ZNF536: variants seen among roughly 807,000 people sequenced by gnomAD.
The protein encoded by ZNF536 is zinc finger protein 536.
A neutral mutation model predicts 84.5 loss-of-function variants in ZNF536; 13 were observed. The ratio of observed to expected loss-of-function variants is 0.15; its 90% CI spans 0.10 to 0.24. The LOEUF (loss-of-function observed/expected upper bound fraction) is 0.24. ZNF536 is among the 10% of genes least tolerant of loss of function. The pLI is 1.00. For synonymous variants in ZNF536, 811 were observed against 742.5 expected (o/e 1.09, Z -1.50); for missense variants, 1,536 against 1,747.5 (o/e 0.88, Z 2.16).
intron 2 of ZNF536, among the ~76,000 whole-genome samples, chr19:30,306,229 C>T (rs1466275872): frequency 7.3e-6 from 1 of 137,396 alleles, no homozygotes; most frequent in African/African-American, 2.7e-5. Flanking sequence ...TGCTTGTTTA[C>T]ACTGGTCAGA....
chr19:30,614,316 T>C (rs1034480599), intron 1 of ZNF536, among the ~76,000 whole-genome samples: 1 of 152,192 alleles, frequency 6.6e-6, no homozygotes, highest in African/African-American at 2.4e-5. Flanking sequence ...TTTGTAGAGT[T>C]CTACTCTTTT....
chr19:30,398,687 G>A (rs2147462381), intron 1 of ZNF536, among the ~76,000 whole-genome samples: 1 of 152,188 alleles, frequency 6.6e-6, no homozygotes, highest in Non-Finnish European at 1.5e-5. Context: ...ATGGTTTTCA[G>A]CTTCATCCAT....
At chr19:30,565,053 T>C (rs2146473346) in intron 1 of ZNF536, among the ~76,000 whole-genome samples, 1 of 152,268 alleles carries the variant, frequency 6.6e-6, no homozygotes, top group Admixed American at 6.5e-5. Flanking sequence ...GCACTTCTGT[T>C]TGTTGCGTTG....
At chr19:30,584,625 G>C (rs1430821902) in intron 1 of ZNF536, among the ~76,000 whole-genome samples, 1 of 152,176 alleles carries the variant, frequency 6.6e-6, no homozygotes, top group African/African-American at 2.4e-5. Context: ...TTCGGGATTA[G>C]CTCTCTTTTT....
At chr19:30,621,338 C>G (rs2048474878) in intron 1 of ZNF536, among the ~76,000 whole-genome samples, 1 of 152,116 alleles carries the variant, frequency 6.6e-6, no homozygotes, top group Non-Finnish European at 1.5e-5. Context: ...AACTGACCTT[C>G]CTTCTCACAT....
chr19:30,457,466 G>T (rs534601570), intron 2 of ZNF536, among the ~76,000 whole-genome samples: 2 of 152,236 alleles, frequency 1.3e-5, no homozygotes, highest in African/African-American at 4.8e-5. Context: ...CCCAGGCTGG[G>T]AAGGGAGGGA....
intron 1 of ZNF536, among the ~76,000 whole-genome samples, chr19:30,250,607 G>A (rs1280687571): frequency 6.6e-6 from 1 of 152,208 alleles, no homozygotes; most frequent in Middle Eastern, 3.2e-3. Context: ...TGGGCACTAA[G>A]AGAGAGATGA....
intron 2 of ZNF536, among the ~76,000 whole-genome samples, chr19:30,349,625 GAAGTGGT>G (rs1381038272): frequency 1.3e-5 from 2 of 151,934 alleles, no homozygotes; most frequent in African/African-American, 4.8e-5. Context: ...GAGAAAGGAA[GAAGTGGT>G]ACCCCACACC....
At chr19:30,335,412 C>T (rs893876661) in intron 2 of ZNF536, among the ~76,000 whole-genome samples, 3 of 152,214 alleles carry the variant, frequency 2.0e-5, no homozygotes, top group African/African-American at 7.2e-5. Flanking sequence ...CACATCCCAT[C>T]CTGTCTCACG....
At chr19:30,502,338 G>A (rs1254682103) in intron 2 of ZNF536, among the ~76,000 whole-genome samples, 1 of 152,158 alleles carries the variant, frequency 6.6e-6, no homozygotes, top group Non-Finnish European at 1.5e-5. Context: ...TGGCAGTGTG[G>A]GTGGGAATGG....
intron 1 of ZNF536, among the ~76,000 whole-genome samples, chr19:30,700,208 CT>C (rs1474760259): frequency 4.4e-5 from 5 of 113,094 alleles, no homozygotes; most frequent in African/African-American, 1.7e-4. Flanking sequence ...TTCCTTCTTT[CT>C]TTCCTTCTTT....
At chr19:30,437,709 G>A (rs2051817592) in intron 1 of ZNF536, among the ~76,000 whole-genome samples, 1 of 152,106 alleles carries the variant, frequency 6.6e-6, no homozygotes, top group Non-Finnish European at 1.5e-5. Context: ...GACTGGGGGG[G>A]AATGTTGCCA....
rs145576640 is a variant in ZNF536 at position 30,381,207 on chromosome 19, C to T, written c.-3+8651C>T. Among the ~76,000 whole-genome samples the T allele has an allele frequency of 1.7e-3, 259 of 152,274 alleles. 1 individual carries two copies. The highest frequency in any genetic ancestry group is 5.9e-3 in the African/African-American group (244 of 41,562). On this transcript the variant is annotated intron_variant, in intron 1 of 4. Transcript: ENST00000355537. ...ATATATATCTAATAATCAGCACAAA[C>T]CATGCCCCCAGAGGGAGCTAATATC...
At chr19:30,438,137 A>G (rs1315492725) in intron 1 of ZNF536, among the ~76,000 whole-genome samples, 1 of 151,932 alleles carries the variant, frequency 6.6e-6, no homozygotes, top group Non-Finnish European at 1.5e-5. Context: ...TATGTTTGTT[A>G]AGTTACATGG....
intron 1 of ZNF536, among the ~76,000 whole-genome samples, chr19:30,266,202 C>A (rs1207797580): frequency 6.6e-6 from 1 of 152,170 alleles, no homozygotes; most frequent in African/African-American, 2.4e-5. Flanking sequence ...CCACGAGCCA[C>A]CATGCCTGGC....
chr19:30,269,522 T>A (rs112654193), intron 1 of ZNF536, among the ~76,000 whole-genome samples: 16 of 152,114 alleles, frequency 1.1e-4, no homozygotes, highest in Non-Finnish European at 2.1e-4. Flanking sequence ...AATATAGAAC[T>A]GTCTTTATGA....
chr19:30,239,817 C>T (rs946803089), intron 1 of ZNF536, among the ~76,000 whole-genome samples: 2 of 152,130 alleles, frequency 1.3e-5, no homozygotes, highest in Non-Finnish European at 2.9e-5. Flanking sequence ...GGCATCAGTC[C>T]AAATCCGTCT....
upstream of ZNF536, among the ~76,000 whole-genome samples, chr19:30,368,579 C>T (rs1372337004): frequency 1.3e-5 from 2 of 152,218 alleles, no homozygotes; most frequent in African/African-American, 4.8e-5. Flanking sequence ...GTTGCTAGAG[C>T]TTTGGATTTT....
At chr19:30,294,549 ATGTG>A (rs55972417) in intron 2 of ZNF536, among the ~76,000 whole-genome samples, 1,705 of 145,546 alleles carry the variant, frequency 0.012, 22 homozygotes, top group African/African-American at 0.032. Context: ...AGGCCCCAAT[ATGTG>A]TGTGTGTGTG....
Sources: allele counts gnomAD v4.1 joint callset (sites outside exome capture counted in the v4.1 genomes callset), GRCh38; gene constraint gnomAD v4.1.1; transcripts MANE v1.5; gene names NCBI Gene and HGNC (gene_info 2026-07-23, HGNC 2026-07-21).